The following ABCC1 variants were observed in gnomAD, a reference collection of about 807,000 sequenced individuals.
ABCC1 encodes ATP binding cassette subfamily C member 1 (ABCC1 blood group).
Under a neutral mutation model 172.9 loss-of-function variants are expected in ABCC1, and 83 were observed. The observed-to-expected ratio is 0.48, with a 90% CI of 0.40 to 0.58. The LOEUF is 0.58. ABCC1 is among the 20% of genes least tolerant of loss of function. The pLI is 0.00. For missense variants in ABCC1, 1,817 were observed against 2,002.7 expected, an observed-to-expected ratio of 0.91 and a Z score of 1.77; for synonymous variants, 937 against 825.2, an observed-to-expected ratio of 1.14 and a Z score of -2.32.
chr16:16,104,395 A>G (rs1255602254), intron 20 of ABCC1, among the ~76,000 whole-genome samples: 1 of 152,090 alleles, frequency 6.6e-6, no homozygotes, highest in African/African-American at 2.4e-5. Context: ...CCTGAGCTAG[A>G]TACGTAAGTT....
chr16:16,111,432 C>T lies in ABCC1; in HGVS notation c.2929C>T (p.Leu977Phe), dbSNP rs767782192. 5.0e-6 allele frequency: 8 copies of T among 1,614,152 alleles called. No individual in the cohort carries two copies. In the Admixed American group the frequency reaches 8.3e-5, roughly 17 times the overall value. ...MKAIGLFISF[L>F]SIFLFMCNHV... ...GGCCATCGGACTCTTCATCTCCTTC[C>T]TCAGCATCTTCCTTTTCATGTGTAA... is the stretch of plus-strand genomic sequence containing the variant. The change falls in exon 22 of 31, where the codon CTC (leucine) becomes TTC (phenylalanine). Residue 977 changes from leucine to phenylalanine, a missense_variant. Leu to Phe is a conservative substitution (Grantham distance 22). This residue lies in a region of ABCC1 where 1,412 missense variants were observed against 1,600.3 expected (regional missense o/e 0.88). Coordinates refer to ENST00000399410, the MANE Select transcript of ABCC1 (RefSeq NM_004996.4).
At position 15,985,101 on chromosome 16, in the gene ABCC1, T is replaced by G. The variant is rs866229013; in HGVS notation, c.49-22715T>G. ...CTGGGTGAGAGAGTGAGACTCTGTCTTAAAGCAAAAACAGAGTCATATATT... is the reference window on the plus strand; with the variant it reads ...CTGGGTGAGAGAGTGAGACTCTGTCGTAAAGCAAAAACAGAGTCATATATT... On this transcript the variant is annotated intron_variant, in intron 1 of 30. Transcript: ENST00000399410. 2.0e-5 allele frequency among the ~76,000 whole-genome samples: 3 copies of G among 152,170 alleles called. No homozygotes were observed. The South Asian group carries it at 6.2e-4, about 32-fold the overall frequency.
chr16:16,113,329 A>T (rs1278466521), intron 22 of ABCC1, among the ~76,000 whole-genome samples: 3 of 152,206 alleles, frequency 2.0e-5, no homozygotes, highest in African/African-American at 7.2e-5. Flanking sequence ...GGTAGTCACA[A>T]GACACAGGTG....
chr16:16,049,332 G>A (rs577006175), intron 10 of ABCC1, among the ~76,000 whole-genome samples: 47 of 152,312 alleles, frequency 3.1e-4, no homozygotes, highest in African/African-American at 1.0e-3. Context: ...GGCCCAGGAG[G>A]CAGAGTTCTC....
intron 1 of ABCC1, among the ~76,000 whole-genome samples, chr16:15,969,788 A>C (rs1286456748): frequency 6.6e-6 from 1 of 151,936 alleles, no homozygotes; most frequent in Admixed American, 6.6e-5. Flanking sequence ...CAGGAGGTAG[A>C]ATCTCCGAGG....
chr16:16,024,121 A>G (rs1352346674), intron 5 of ABCC1, among the ~76,000 whole-genome samples: 1 of 152,176 alleles, frequency 6.6e-6, no homozygotes, highest in Non-Finnish European at 1.5e-5. Flanking sequence ...CGGGAGGCTC[A>G]GGCAGGAGAA....
intron 1 of ABCC1, among the ~76,000 whole-genome samples, chr16:15,977,291 A>G (rs2046516061): frequency 6.6e-6 from 1 of 152,152 alleles, no homozygotes. Context: ...CCTGGTTTGA[A>G]TCCTAAGTGA....
In ABCC1 at chr16:16,090,436, A is replaced by C. The variant is rs760139672; in HGVS notation, c.2492A>C (p.Tyr831Ser). Reference protein sequence around the residue: ...TRILVTHSMSYLPQVDVIIVM... With the variant: ...TRILVTHSMSSLPQVDVIIVM... Reference sequence around the variant, plus strand: ...ATCTTGGTCACGCACAGCATGAGCTACTTGCCGCAGGTGGACGTCATCATC... The same window carrying C: ...ATCTTGGTCACGCACAGCATGAGCTCCTTGCCGCAGGTGGACGTCATCATC... Residue 831 changes from tyrosine (Y) to serine (S), a missense_variant, in exon 19 of 31, where the codon TAC (tyrosine) becomes TCC (serine). Coordinates refer to ENST00000399410, the MANE Select transcript of ABCC1 (RefSeq NM_004996.4). 1 of 1,611,344 alleles carries C rather than the reference A, an allele frequency of 6.2e-7. No individual in the cohort carries two copies. The highest frequency in any genetic ancestry group is 8.5e-7 in the Non-Finnish European group (1 of 1,178,404).
intron 1 of ABCC1, among the ~76,000 whole-genome samples, chr16:15,952,585 GC>G (rs1274274683): frequency 6.6e-6 from 1 of 151,958 alleles, no homozygotes; most frequent in Non-Finnish European, 1.5e-5. Context: ...GGAAAATAGG[GC>G]CTGAGGACAG....
At chr16:16,082,477 CA>C (rs2050842950) in intron 16 of ABCC1, among the ~76,000 whole-genome samples, 1 of 152,154 alleles carries the variant, frequency 6.6e-6, no homozygotes, top group Non-Finnish European at 1.5e-5. Context: ...GCAAAATACA[CA>C]AAACAAATAT....
At chr16:16,075,845 G>A (rs1049897837) in intron 14 of ABCC1, among the ~76,000 whole-genome samples, 5 of 152,142 alleles carry the variant, frequency 3.3e-5, no homozygotes, top group African/African-American at 1.2e-4. Flanking sequence ...AAGGGTGAAC[G>A]ACCTCCCTTT....
intron 7 of ABCC1, among the ~76,000 whole-genome samples, chr16:16,037,646 C>T (rs1263306963): frequency 6.6e-6 from 1 of 152,150 alleles, no homozygotes; most frequent in South Asian, 2.1e-4. Context: ...GGTAAGTTTA[C>T]TACGATAAAC....
At chr16:15,950,421 C>T (rs1232823165) in intron 1 of ABCC1, among the ~76,000 whole-genome samples, 12 of 152,068 alleles carry the variant, frequency 7.9e-5, no homozygotes, top group Non-Finnish European at 1.2e-4. Flanking sequence ...CTTGATGTGC[C>T]CTACCTGACC....
rs969763651 is a variant in ABCC1 at position 15,978,158 on chromosome 16, C to T, written c.48+28359C>T. Among the ~76,000 whole-genome samples, 54 of 152,162 alleles carry T rather than the reference C, an allele frequency of 3.5e-4. 1 individual carries two copies. Among genetic ancestry groups the T allele is most frequent in the African/African-American group, 1.2e-3 (51 of 41,508 alleles). On this transcript the variant is annotated intron_variant, in intron 1 of 30. Coordinates refer to ENST00000399410, the MANE Select transcript of ABCC1 (RefSeq NM_004996.4). ...GCCGAGCAGGGAGGATTGCTTGAGGCCAGGAGCTTGAGACCAGCCTGGGGA... is the reference window on the plus strand; with the variant it reads ...GCCGAGCAGGGAGGATTGCTTGAGGTCAGGAGCTTGAGACCAGCCTGGGGA...
intron 12 of ABCC1, 54 bp from the exon 13 acceptor site, chr16:16,068,102 G>C: frequency 6.2e-7 from 1 of 1,608,164 alleles, no homozygotes. Flanking sequence ...CTGCTCCTAG[G>C]ATGATGACTC....
At position 16,076,390 on chromosome 16, in the gene ABCC1, C is replaced by T. The variant is rs1455851911; in HGVS notation, c.1977C>T (p.Pro659=). The change falls in exon 15 of 31, where the codon CCC becomes CCT. Residue 659 remains proline, a synonymous_variant. Transcript: ENST00000399410. ...ATFTWARSDP[P]TLNGITFSIP... is the part of the protein sequence containing the mutation. ...TCACCTGGGCCAGGAGCGACCCTCC[C>T]ACACTGAATGGGTAAGCCGGGACGT... The T allele has an allele frequency of 1.2e-6, 2 of 1,609,108 alleles. No homozygotes were observed. The highest frequency in any genetic ancestry group is 1.7e-5 in the Admixed American group (1 of 58,948).
intron 5 of ABCC1, among the ~76,000 whole-genome samples, chr16:16,021,316 A>AT (rs34479623): frequency 0.13 from 18,454 of 147,090 alleles, 1,507 homozygotes; most frequent in African/African-American, 0.23. Context: ...CAAGAGCCTT[A>AT]TTTTTTTTTT....
chr16:16,011,913 C>G (rs2047799331), intron 3 of ABCC1, among the ~76,000 whole-genome samples: 1 of 152,126 alleles, frequency 6.6e-6, no homozygotes, highest in Non-Finnish European at 1.5e-5. Flanking sequence ...AGGTGATCCA[C>G]CCACCTAGGC....
At chr16:16,138,693 C>T in intron 30 of ABCC1, 135 bp downstream of exon 30, 1 of 561,986 alleles carries the variant, frequency 1.8e-6, no homozygotes, top group Non-Finnish European at 2.8e-6. Context: ...CTCTCTTCAT[C>T]CTGGATGGTA....
Sources: gnomAD v4.1 joint callset for allele counts (sites outside exome capture counted in the v4.1 genomes callset) on GRCh38, gnomAD v4.1.1 for gene constraint, gnomAD v4.1.1 regional missense constraint, MANE v1.5 for transcripts, NCBI Gene and HGNC (gene_info 2026-07-23, HGNC 2026-07-21) for gene names.